Variants in FAT3 observed in about 807,000 individuals in gnomAD.
The protein encoded by FAT3 is protocadherin Fat 3.
A neutral mutation model predicts 310.2 loss-of-function variants in FAT3; 95 were observed. The observed-to-expected ratio is 0.31, with a 90% CI of 0.26 to 0.36. FAT3 has a LOEUF of 0.36. Ranked by LOEUF, FAT3 falls within the 10% of genes least tolerant of loss-of-function variation. The pLI is 1.00. For synonymous variants in FAT3, 2,314 were observed against 2,192.9 expected (o/e 1.06, Z -1.54); for missense variants, 5,408 against 5,715.6 (o/e 0.95, Z 1.74).
At chr11:92,257,834 A>G (rs1460305025) in intron 1 of FAT3, among the ~76,000 whole-genome samples, 1 of 152,132 alleles carries the variant, frequency 6.6e-6, no homozygotes, top group Non-Finnish European at 1.5e-5. Context: ...TGAGCATTTT[A>G]CTTTTCCATG....
chr11:92,737,093 T>C (rs1310838834), intron 4 of FAT3, among the ~76,000 whole-genome samples: 1 of 152,172 alleles, frequency 6.6e-6, no homozygotes, highest in African/African-American at 2.4e-5. Context: ...ATGTATTTAA[T>C]TGCAACTTTC....
chr11:92,275,155 A>G (rs528009678), intron 1 of FAT3, among the ~76,000 whole-genome samples: 5 of 152,044 alleles, frequency 3.3e-5, no homozygotes, highest in Non-Finnish European at 7.4e-5. Flanking sequence ...GAGCCTCTCC[A>G]TCCATCTCTT....
At chr11:92,772,146 C>A (rs571809783) in intron 6 of FAT3, among the ~76,000 whole-genome samples, 7 of 152,132 alleles carry the variant, frequency 4.6e-5, no homozygotes, top group Non-Finnish European at 1.0e-4. Flanking sequence ...CAAATAATAT[C>A]ATGACCCAAA....
intron 4 of FAT3, among the ~76,000 whole-genome samples, chr11:92,699,565 G>A (rs950851189): frequency 7.9e-5 from 12 of 152,246 alleles, no homozygotes; most frequent in African/African-American, 2.9e-4. Flanking sequence ...ATTCTTAGTT[G>A]AGCATCCCTA....
At chr11:92,600,256 T>C (rs934013337) in intron 3 of FAT3, among the ~76,000 whole-genome samples, 2 of 152,284 alleles carry the variant, frequency 1.3e-5, no homozygotes, top group South Asian at 2.1e-4. Flanking sequence ...CTTAAAAAAG[T>C]GTATAGAGAC....
chr11:92,487,513 G>A lies in FAT3; in HGVS notation c.3293-37121G>A, dbSNP rs549185923. ...CTGTATTATTGAGCACGTCCTTAGC[G>A]TCAGACATACAGATATAATGTACTC... On this transcript the variant is annotated intron_variant, in intron 2 of 27. Transcript: ENST00000525166. 1.1e-4 allele frequency among the ~76,000 whole-genome samples: 17 copies of A among 152,230 alleles called. 1 individual carries two copies. Among genetic ancestry groups the A allele is most frequent in the South Asian group, 8.3e-4 (4 of 4,828 alleles).
chr11:92,809,882 TC>T lies in FAT3; in HGVS notation c.9291del (p.Val3098CysfsTer4), dbSNP rs1947620490. ...KTLALLDRER[I>X]PVYSLMAKAT... ...TTGGCTCTGTTGGACCGGGAGAGGA[TC>T]CCCGTGTACAGCCTGATGGCCAAGG... On this transcript the variant is annotated frameshift_variant, in exon 13 of 28. Transcript: ENST00000525166. LOFTEE classifies it high-confidence loss of function. The T allele has an allele frequency of 6.2e-7, 1 of 1,613,848 alleles. No homozygotes were observed. The highest frequency in any genetic ancestry group is 1.3e-5 in the African/African-American group (1 of 74,926).
At chr11:92,408,515 G>A (rs1365671781) in intron 2 of FAT3, among the ~76,000 whole-genome samples, 3 of 152,182 alleles carry the variant, frequency 2.0e-5, no homozygotes, top group African/African-American at 7.2e-5. Context: ...GTTGGAAGAT[G>A]ACACTGAATT....
rs568270378 is a variant in FAT3 at position 92,853,939 on chromosome 11, G to A, written c.11366-3275G>A. ...TTCAGATAGTCCCTGGCTTGAAGGT[G>A]GGGCATCACTGGGGACCTGCCCTTT... On this transcript the variant is annotated intron_variant, in intron 19 of 27. Coordinates refer to ENST00000525166, the MANE Select transcript of FAT3 (RefSeq NM_001367949.2). Among the ~76,000 whole-genome samples, 13 of 152,236 alleles carry A rather than the reference G, an allele frequency of 8.5e-5. 1 individual carries two copies. In the South Asian group the frequency reaches 2.5e-3, roughly 29 times the overall value.
intron 2 of FAT3, among the ~76,000 whole-genome samples, chr11:92,506,664 T>C (rs530957569): frequency 2.0e-5 from 3 of 152,310 alleles, no homozygotes; most frequent in Admixed American, 6.5e-5. Context: ...ATTATATGCA[T>C]GTTATCTGCT....
At chr11:92,733,307 A>G (rs1205937363) in intron 4 of FAT3, among the ~76,000 whole-genome samples, 1 of 152,120 alleles carries the variant, frequency 6.6e-6, no homozygotes, top group Non-Finnish European at 1.5e-5. Context: ...TTCTGATGTT[A>G]CTAGCTGAAG....
At chr11:92,685,275 A>C (rs953170281) in intron 3 of FAT3, among the ~76,000 whole-genome samples, 1 of 152,188 alleles carries the variant, frequency 6.6e-6, no homozygotes. Context: ...AGCACTGGCA[A>C]TCTGCCATTT....
intron 3 of FAT3, among the ~76,000 whole-genome samples, chr11:92,528,499 G>T (rs916689786): frequency 1.3e-5 from 2 of 152,174 alleles, no homozygotes; most frequent in Non-Finnish European, 2.9e-5. Flanking sequence ...CCATTCTCCT[G>T]CCTCAGCCTC....
chr11:92,683,072 T>TAAAAAAAAAAC (rs1555118059), intron 3 of FAT3, among the ~76,000 whole-genome samples: 1 of 114,848 alleles, frequency 8.7e-6, no homozygotes, highest in African/African-American at 4.1e-5. Context: ...AGCAAGACTC[T>TAAAAAAAAAAC]AAAAAAAAAA....
At chr11:92,577,627 G>A (rs1440414118) in intron 3 of FAT3, among the ~76,000 whole-genome samples, 6 of 151,984 alleles carry the variant, frequency 3.9e-5, no homozygotes, top group African/African-American at 1.4e-4. Flanking sequence ...ATTAACAGCA[G>A]TCACCTTACT....
intron 3 of FAT3, among the ~76,000 whole-genome samples, chr11:92,548,810 A>G (rs1954705249): frequency 6.6e-6 from 1 of 152,214 alleles, no homozygotes; most frequent in Non-Finnish European, 1.5e-5. Context: ...AGTGAAAAAC[A>G]TATTTTAAAT....
At chr11:92,267,445 G>A (rs1018481495) in intron 1 of FAT3, among the ~76,000 whole-genome samples, 39 of 152,226 alleles carry the variant, frequency 2.6e-4, no homozygotes, top group Admixed American at 2.5e-3. Flanking sequence ...GACCACAGAA[G>A]CTGGAGGTCT....
At chr11:92,880,702 A>G (rs563029734) in intron 22 of FAT3, 29 bp from the exon 23 acceptor site, 50 of 1,603,254 alleles carry the variant, frequency 3.1e-5, no homozygotes, top group Admixed American at 1.5e-4. Context: ...AGTGGCATCC[A>G]TGGCTCATGA....
rs539184952 is a variant in FAT3, at chr11:92,429,676, A to C, written c.3292+74272A>C. On this transcript the variant is annotated intron_variant, in intron 2 of 27. Coordinates refer to ENST00000525166, the MANE Select transcript of FAT3 (RefSeq NM_001367949.2). ...CTGGATATGAAATTCTGGGTGGAAA[A>C]TTCTTTTAAGAATGTTGAATATTGG... 3.0e-4 allele frequency among the ~76,000 whole-genome samples: 45 copies of C among 152,050 alleles called. No individual in the cohort carries two copies. In the South Asian group the frequency reaches 8.7e-3, roughly 29 times the overall value.
Sources: gnomAD v4.1 joint callset for allele counts (sites outside exome capture counted in the v4.1 genomes callset) on GRCh38, gnomAD v4.1.1 for gene constraint, MANE v1.5 for transcripts, NCBI Gene and HGNC (gene_info 2026-07-23, HGNC 2026-07-21) for gene names.